The following SIAH3 variants were observed in gnomAD, a reference collection of about 807,000 sequenced individuals.
SIAH3 encodes siah E3 ubiquitin protein ligase family member 3, also known as seven in absentia homolog 3.
SIAH3 carries 9 observed loss-of-function variants against 12.6 expected under a neutral mutation model. The observed-to-expected ratio is 0.72, with a 90% CI of 0.43 to 1.25. SIAH3 has a LOEUF of 1.25. SIAH3 is among the 50% of genes most tolerant of loss of function. The probability of loss-of-function intolerance (pLI) is 0.00; values close to 1 mark genes in which losing one functional copy is unlikely to be tolerated. For missense variants in SIAH3, 390 were observed against 365.4 expected (o/e 1.07, Z -0.55); for synonymous variants, 154 against 151.1 (o/e 1.02, Z -0.14).
intron 1 of SIAH3, among the ~76,000 whole-genome samples, chr13:45,804,745 G>A (rs912195868): frequency 2.0e-5 from 3 of 151,882 alleles, no homozygotes; most frequent in African/African-American, 7.3e-5. Context: ...GGAAATAAAA[G>A]GTATCCAAAC....
At chr13:45,811,844 C>T (rs79310376) in intron 1 of SIAH3, among the ~76,000 whole-genome samples, 1,789 of 152,274 alleles carry the variant, frequency 0.012, 33 homozygotes, top group African/African-American at 0.041. Context: ...GACCTAGGGA[C>T]TGGAGGTCAT....
intron 1 of SIAH3, among the ~76,000 whole-genome samples, chr13:45,819,242 A>G (rs565856105): frequency 6.6e-6 from 1 of 152,364 alleles, no homozygotes; most frequent in South Asian, 2.1e-4. Flanking sequence ...GATTGCTTTA[A>G]TATAGCAACA....
chr13:45,805,186 C>T (rs1193593306), intron 1 of SIAH3, among the ~76,000 whole-genome samples: 1 of 152,098 alleles, frequency 6.6e-6, no homozygotes, highest in African/African-American at 2.4e-5. Context: ...CTATTCCTAT[C>T]AAACTATCAA....
chr13:45,815,926 A>G (rs1950632948), intron 1 of SIAH3, among the ~76,000 whole-genome samples: 1 of 152,242 alleles, frequency 6.6e-6, no homozygotes, highest in African/African-American at 2.4e-5. Context: ...AAATTGTATT[A>G]TAATGTATTT....
chr13:45,849,236 G>T (rs1950771092), intron 1 of SIAH3, among the ~76,000 whole-genome samples: 1 of 152,170 alleles, frequency 6.6e-6, no homozygotes. Context: ...TTTATCTGGG[G>T]TGATGTTCCT....
In SIAH3 at chr13:45,781,596, T is replaced by C. The variant is rs1313702054; in HGVS notation, c.*1787A>G. On this transcript the variant is annotated 3_prime_UTR_variant, in exon 2 of 2. Transcript: ENST00000400405. ...TCTGTGGCAATGTTTTTTGCCCCTC[T>C]CAGGGCTCTGACGGAATGCAGTCTC... 1 of 152,236 alleles carries C rather than the reference T, an allele frequency of 6.6e-6. No homozygotes were observed. Among genetic ancestry groups the C allele is most frequent in the Non-Finnish European group, 1.5e-5 (1 of 68,058 alleles). 9.4% of individuals were successfully genotyped at this position (152,236 alleles called of 1,614,324 possible).
chr13:45,839,530 G>A (rs1432751382), intron 1 of SIAH3, among the ~76,000 whole-genome samples: 6 of 152,200 alleles, frequency 3.9e-5, no homozygotes, highest in African/African-American at 1.4e-4. Context: ...CAGAAATACT[G>A]TATACAAACC....
Position 45,847,345 on chromosome 13 carries a change from G to A in SIAH3, c.135+4150C>T, listed in dbSNP as rs144051808. Among the ~76,000 whole-genome samples the A allele has an allele frequency of 2.2e-4, 33 of 152,264 alleles. 1 individual carries two copies. The East Asian group carries it at 5.6e-3, about 26-fold the overall frequency. ...GTATGAAACAGAGTTAGCAAACCCCGGGGCAGCACGGGATTTCCAAAGATT... is the reference window on the plus strand; with the variant it reads ...GTATGAAACAGAGTTAGCAAACCCCAGGGCAGCACGGGATTTCCAAAGATT... On this transcript the variant is annotated intron_variant, in intron 1 of 1. Transcript: ENST00000400405.
At chr13:45,792,728 T>C (rs1950550175) in intron 1 of SIAH3, among the ~76,000 whole-genome samples, 1 of 152,208 alleles carries the variant, frequency 6.6e-6, no homozygotes, top group South Asian at 2.1e-4. Context: ...TTTTTTCTTT[T>C]TGAGCATTTA....
intron 1 of SIAH3, among the ~76,000 whole-genome samples, chr13:45,829,208 C>T (rs1436525408): frequency 6.6e-6 from 1 of 152,166 alleles, no homozygotes; most frequent in African/African-American, 2.4e-5. Context: ...AGCAAGCTGA[C>T]TGACTCCAAA....
intron 1 of SIAH3, among the ~76,000 whole-genome samples, chr13:45,818,067 T>C (rs895863588): frequency 3.9e-5 from 6 of 152,188 alleles, no homozygotes; most frequent in African/African-American, 1.4e-4. Flanking sequence ...GTGGAGAAAT[T>C]GGAGGAAAAT....
At chr13:45,791,086 C>A (rs1950544319) in intron 1 of SIAH3, among the ~76,000 whole-genome samples, 1 of 151,962 alleles carries the variant, frequency 6.6e-6, no homozygotes, top group Admixed American at 6.6e-5. Context: ...ATCAGGTTAG[C>A]CCAGAAGGTT....
chr13:45,787,553 C>T (rs1950532337), intron 1 of SIAH3, among the ~76,000 whole-genome samples: 1 of 152,126 alleles, frequency 6.6e-6, no homozygotes, highest in African/African-American at 2.4e-5. Context: ...AGGGTGAATT[C>T]TCTAGCAGAA....
At chr13:45,850,403 C>T (rs1475701635) in intron 1 of SIAH3, among the ~76,000 whole-genome samples, 2 of 152,168 alleles carry the variant, frequency 1.3e-5, no homozygotes, top group Non-Finnish European at 2.9e-5. Context: ...ACAGATCTAT[C>T]CTCACAGAGA....
chr13:45,815,440 T>G (rs964539896), intron 1 of SIAH3, among the ~76,000 whole-genome samples: 3 of 152,156 alleles, frequency 2.0e-5, no homozygotes, highest in Non-Finnish European at 4.4e-5. Context: ...TCCCTGGGTC[T>G]CCAGTCTGCC....
At chr13:45,788,302 A>G (rs1181521912) in intron 1 of SIAH3, among the ~76,000 whole-genome samples, 1 of 152,218 alleles carries the variant, frequency 6.6e-6, no homozygotes, top group Non-Finnish European at 1.5e-5. Context: ...CTTCCCATCT[A>G]ATACAGTGGA....
At position 45,851,626 on chromosome 13, in the gene SIAH3, G is replaced by T. The variant is rs569949874; in HGVS notation, c.4C>A (p.Leu2Ile). 1.5e-5 allele frequency: 24 copies of T among 1,614,204 alleles called. No homozygotes were observed. In the South Asian group the frequency reaches 2.1e-4, roughly 14 times the overall value. The change falls in exon 1 of 2, where the codon CTT becomes ATT. Residue 2 changes from leucine to isoleucine, a missense_variant. Coordinates refer to ENST00000400405, the MANE Select transcript of SIAH3 (RefSeq NM_198849.3). Reference protein sequence around the residue: MLFFTQCFGAVL... With the variant: MIFFTQCFGAVL... ...GCCCCAAAGCACTGGGTAAAGAAAA[G>T]CATCACAACTTTTGGGGGGTTGTTG...
intron 1 of SIAH3, among the ~76,000 whole-genome samples, chr13:45,785,744 G>A (rs1950525986): frequency 6.6e-6 from 1 of 152,092 alleles, no homozygotes; most frequent in South Asian, 2.1e-4. Context: ...GATCTACAGG[G>A]GCTCTTCCAG....
intron 1 of SIAH3, among the ~76,000 whole-genome samples, chr13:45,832,948 G>C (rs575705116): frequency 1.8e-4 from 27 of 152,306 alleles, no homozygotes; most frequent in African/African-American, 6.5e-4. Flanking sequence ...TTTATTTTGT[G>C]GTGGGACTTT....
Sources: allele counts gnomAD v4.1 joint callset (sites outside exome capture counted in the v4.1 genomes callset), GRCh38; gene constraint gnomAD v4.1.1; transcripts MANE v1.5; gene names NCBI Gene and HGNC (gene_info 2026-07-23, HGNC 2026-07-21).